The following THOC2 variants were observed in gnomAD, a reference collection of about 807,000 sequenced individuals.
THOC2 encodes THO complex 2.
THOC2 carries 10 observed loss-of-function variants against 128.4 expected under a neutral mutation model. The observed-to-expected ratio is 0.08, with a 90% CI of 0.05 to 0.13. THOC2 has a LOEUF of 0.13. Among genes scored for constraint, THOC2 ranks in the 10% least tolerant of loss-of-function variants. The probability of loss-of-function intolerance (pLI) is 1.00; values close to 1 mark genes in which losing one functional copy is unlikely to be tolerated. For synonymous variants in THOC2, 393 were observed against 396.9 expected (o/e 0.99, Z 0.12); for missense variants, 535 against 1,155.7 (o/e 0.46, Z 7.79).
intron 19 of THOC2, 140 bp downstream of exon 19, chrX:123,635,939 T>C (rs958439822): frequency 6.5e-5 from 27 of 415,070 alleles, no homozygotes; most frequent in African/African-American, 6.2e-4. Context: ...TAAAGAATTT[T>C]ATGTAAATAA....
chrX:123,686,877 A>G (rs2050020388), intron 7 of THOC2, among the ~76,000 whole-genome samples, 163 bp from the exon 8 acceptor site: 2 of 112,409 alleles, frequency 1.8e-5, no homozygotes, highest in Admixed American at 9.4e-5. Flanking sequence ...TAAATCCACT[A>G]CACATTTTTA....
chrX:123,678,205 G>A (rs767908600), intron 8 of THOC2, among the ~76,000 whole-genome samples: 3 of 110,443 alleles, frequency 2.7e-5, no homozygotes, highest in African/African-American at 9.9e-5. Context: ...CAGACAATGC[G>A]CCATGTACAT....
At chrX:123,629,206 A>AACACACACACACACAC (rs754562050) in intron 22 of THOC2, among the ~76,000 whole-genome samples, 52 of 81,957 alleles carry the variant, frequency 6.3e-4, no homozygotes, top group Middle Eastern at 6.8e-3. Flanking sequence ...ATTATACATG[A>AACACACACACACACAC]ACACACACAC....
rs1291307150 is a variant in THOC2, at chrX:123,718,596, T to C, written c.72-5688A>G. ...CCAACATGGAGAAACCCTTCTCTAC[T>C]AAAAATACAAAAATTATCCGGGCAT... On this transcript the variant is annotated intron_variant, in intron 1 of 38. Coordinates refer to ENST00000245838, the MANE Select transcript of THOC2 (RefSeq NM_001081550.2). 2.7e-5 allele frequency among the ~76,000 whole-genome samples: 3 copies of C among 111,001 alleles called. No homozygotes were observed. In the East Asian group the frequency reaches 8.5e-4, roughly 31 times the overall value.
At chrX:123,701,661 A>C (rs2050708863) in intron 4 of THOC2, among the ~76,000 whole-genome samples, 1 of 109,376 alleles carries the variant, frequency 9.1e-6, no homozygotes, top group African/African-American at 3.4e-5. Context: ...AATATTTTTA[A>C]CTGAAATTTG....
At chrX:123,605,089 G>T (rs1410901867) in intron 38 of THOC2, among the ~76,000 whole-genome samples, 1 of 111,974 alleles carries the variant, frequency 8.9e-6, no homozygotes, top group East Asian at 2.8e-4. Context: ...AGCAAACAGA[G>T]TTCCTGAGAT....
At position 123,702,892 on chromosome X, in the gene THOC2, G is replaced by A. The variant is rs753579309; in HGVS notation, c.274+562C>T. On this transcript the variant is annotated intron_variant, in intron 4 of 38. Transcript: ENST00000245838. The stretch of plus-strand genomic sequence containing the variant: ...CATTATTGTTTAAATCCATGCCATC[G>A]GATACTACATTTCATTCTAAGTCAC... 3.4e-3 allele frequency among the ~76,000 whole-genome samples: 375 copies of A among 110,610 alleles called. 3 individuals carry two copies. The highest frequency in any genetic ancestry group is 6.1e-3 in the Non-Finnish European group (321 of 52,919).
intron 38 of THOC2, among the ~76,000 whole-genome samples, chrX:123,609,354 C>T (rs760585528): frequency 8.9e-6 from 1 of 111,916 alleles, no homozygotes; most frequent in Admixed American, 9.4e-5. Context: ...CTCATTTACC[C>T]TACTTTACCC....
chrX:123,688,335 AAAT>A (rs1296144750), intron 7 of THOC2, among the ~76,000 whole-genome samples: 2 of 112,388 alleles, frequency 1.8e-5, no homozygotes, highest in African/African-American at 6.5e-5. Context: ...AAGAATCACA[AAAT>A]AATTATGCTG....
chrX:123,732,045 C>T (rs1368644509), intron 1 of THOC2, among the ~76,000 whole-genome samples: 1 of 110,488 alleles, frequency 9.1e-6, no homozygotes, highest in Non-Finnish European at 1.9e-5. Flanking sequence ...TTAAACGACT[C>T]CTTCCAGGGG....
intron 32 of THOC2, 31 bp from the exon 33 acceptor site, chrX:123,619,467 G>A: frequency 1.7e-6 from 2 of 1,207,020 alleles, no homozygotes; most frequent in Non-Finnish European, 2.2e-6. Context: ...TGACAGGTGA[G>A]CTGGCATAGT....
At chrX:123,641,767 G>T (rs1299961762) in intron 15 of THOC2, among the ~76,000 whole-genome samples, 1 of 111,653 alleles carries the variant, frequency 9.0e-6, no homozygotes, top group Non-Finnish European at 1.9e-5. Context: ...AACTACCAGT[G>T]TCTAGCATAT....
chrX:123,651,125 A>C (rs1256069565), intron 12 of THOC2, among the ~76,000 whole-genome samples: 2 of 112,104 alleles, frequency 1.8e-5, no homozygotes, highest in African/African-American at 6.5e-5. Flanking sequence ...ACCACAGTGC[A>C]ATCAAATTAG....
intron 3 of THOC2, among the ~76,000 whole-genome samples, chrX:123,704,956 C>T (rs1371774155): frequency 8.9e-6 from 1 of 112,373 alleles, no homozygotes; most frequent in African/African-American, 3.2e-5. Context: ...TCCACTCCCA[C>T]GCTCAATTTT....
chrX:123,681,450 C>T (rs2049778722), intron 8 of THOC2, among the ~76,000 whole-genome samples: 2 of 111,544 alleles, frequency 1.8e-5, no homozygotes, highest in Admixed American at 1.9e-4. Context: ...TAAAGACAGT[C>T]GAACATTAGA....
chrX:123,681,062 T>C (rs2049756163), intron 8 of THOC2, among the ~76,000 whole-genome samples: 3 of 111,308 alleles, frequency 2.7e-5, no homozygotes, highest in Non-Finnish European at 5.7e-5. Flanking sequence ...CTTACTCTGA[T>C]AGCTCGTAAT....
In THOC2 at chrX:123,632,947, G is replaced by A. The variant is rs3184925; in HGVS notation, c.2230C>T (p.Leu744=). ...CCATTTCTCTGCTGAGCCATAAGCA[G>A]ACAGAGAGGAAGGGCAAGATCATGG... The part of the protein sequence containing the change: ...LDHDLALPLC[L]LMAQQRNGVI... Residue 744 remains leucine (L), a synonymous_variant, in exon 21 of 39, where the codon CTG becomes TTG. Coordinates refer to ENST00000245838, the MANE Select transcript of THOC2 (RefSeq NM_001081550.2). 4.1e-6 allele frequency: 5 copies of A among 1,205,333 alleles called. No homozygotes were observed. The highest frequency in any genetic ancestry group is 5.6e-6 in the Non-Finnish European group (5 of 889,874).
intron 12 of THOC2, among the ~76,000 whole-genome samples, chrX:123,661,627 A>C (rs1269064297): frequency 9.0e-6 from 1 of 111,083 alleles, no homozygotes; most frequent in East Asian, 2.8e-4. Context: ...TATATATTTC[A>C]AAATAGTCAG....
In THOC2 at chrX:123,667,251, A is replaced by G; in HGVS notation, c.1045T>C (p.Leu349=). 1 of 1,203,844 alleles carries G rather than the reference A, an allele frequency of 8.3e-7. No individual in the cohort carries two copies. Among genetic ancestry groups the G allele is most frequent in the Non-Finnish European group, 1.1e-6 (1 of 892,714 alleles). ...KPPDNQKLGL[L]EALLKIGDWQ... ...TCACCAATCTTTAATAAGGCTTCCA[A>G]CAAGCCAAGTTTTTGGTTATCAGGT... Residue 349 remains leucine, a synonymous_variant, in exon 11 of 39, where the codon TTG becomes CTG. Transcript: ENST00000245838.
Sources: allele counts gnomAD v4.1 joint callset (sites outside exome capture counted in the v4.1 genomes callset), GRCh38; gene constraint gnomAD v4.1.1; transcripts MANE v1.5; gene names NCBI Gene and HGNC (gene_info 2026-07-23, HGNC 2026-07-21).